The following FRYL variants were observed in gnomAD, a reference collection of about 807,000 sequenced individuals.
FRYL encodes protein furry homolog-like.
In FRYL, 150 loss-of-function variants were observed where a neutral mutation model predicts 351.2. The observed-to-expected ratio is 0.43, with a 90% CI of 0.37 to 0.49. The LOEUF (loss-of-function observed/expected upper bound fraction) is 0.49, where lower values mean the gene tolerates loss of function less well. FRYL is among the 20% of genes least tolerant of loss of function. The probability of loss-of-function intolerance (pLI) is 0.00; values close to 1 mark genes in which losing one functional copy is unlikely to be tolerated. For synonymous variants in FRYL, 1,153 were observed against 1,257.1 expected (o/e 0.92, Z 1.75); for missense variants, 3,036 against 3,619.3 (o/e 0.84, Z 4.13).
At chr4:48,705,869 C>T (rs1239123878) in intron 2 of FRYL, among the ~76,000 whole-genome samples, 2 of 152,020 alleles carry the variant, frequency 1.3e-5, no homozygotes, top group Non-Finnish European at 2.9e-5. Context: ...CAGAGTGTCA[C>T]TCTGTCGCCC....
In FRYL at chr4:48,527,465, C is replaced by T. The variant is rs1419785858; in HGVS notation, c.7317+12G>A. The T allele has an allele frequency of 1.2e-6, 2 of 1,600,222 alleles. No individual in the cohort carries two copies. Among genetic ancestry groups the T allele is most frequent in the Non-Finnish European group, 1.7e-6 (2 of 1,171,222 alleles). ...TTCTATAAATATTAACAGAGAAAGC[C>T]CACATCCTTACCTCTGCATCTTCCA... On this transcript the variant is annotated intron_variant, in intron 53 of 63. Transcript: ENST00000358350.
chr4:48,657,353 C>CTTTT (rs371640944), intron 3 of FRYL, among the ~76,000 whole-genome samples: 11 of 122,370 alleles, frequency 9.0e-5, no homozygotes, highest in African/African-American at 1.5e-4. Context: ...CTTTTCTTTT[C>CTTTT]TTTTTTTTTT....
intron 19 of FRYL, 96 bp from the exon 20 acceptor site, chr4:48,582,830 T>A (rs1741213047): frequency 2.5e-6 from 2 of 802,514 alleles, no homozygotes; most frequent in Non-Finnish European, 4.1e-6. Flanking sequence ...AAATGTCCTC[T>A]TAGTTGTTTT....
rs1767895254 is a variant in FRYL, at chr4:48,710,634, C to A, written c.-319G>T. The A allele has an allele frequency of 1.8e-5, 7 of 398,482 alleles. No homozygotes were observed. In the South Asian group the frequency reaches 8.9e-4, roughly 51 times the overall value. The allele number at this position is 398,482 out of a possible 1,614,324, so 24.7% of individuals were successfully genotyped here. A position where few individuals can be genotyped will look rare whatever the true frequency, so the allele number is the denominator to read the frequency against. On this transcript the variant is annotated 5_prime_UTR_variant, in exon 2 of 64. Coordinates refer to ENST00000358350, the MANE Select transcript of FRYL (RefSeq NM_015030.2). Reference sequence around the variant, plus strand: ...TGTACTTTACAGGCACTCGAGTGGGCACACTGGTACAAAGCAGTAGTGAGT... The same window carrying A: ...TGTACTTTACAGGCACTCGAGTGGGAACACTGGTACAAAGCAGTAGTGAGT...
chr4:48,499,270 C>A lies in FRYL; in HGVS notation c.*152G>T, dbSNP rs1171927170. 9.2e-6 allele frequency: 6 copies of A among 650,066 alleles called. No individual in the cohort carries two copies. In the East Asian group the frequency reaches 1.3e-4, roughly 15 times the overall value. 40.3% of individuals were successfully genotyped at this position (650,066 alleles called of 1,614,324 possible). The stretch of plus-strand genomic sequence containing the variant: ...TATCAGATGTTTTTTTCTTTCAGAT[C>A]TTTGTTTTTGATGATACAGTTTGAC... On this transcript the variant is annotated 3_prime_UTR_variant, in exon 64 of 64. Coordinates refer to ENST00000358350, the MANE Select transcript of FRYL (RefSeq NM_015030.2).
At chr4:48,528,430 A>C (rs1252990149) in intron 50 of FRYL, 94 bp from the exon 51 acceptor site, 1 of 901,026 alleles carries the variant, frequency 1.1e-6, no homozygotes, top group Non-Finnish European at 1.5e-6. Flanking sequence ...ATTTTTTACA[A>C]ATAAAAAAAA....
intron 2 of FRYL, 129 bp downstream of exon 2, chr4:48,710,390 G>C (rs1387546942): frequency 3.1e-5 from 12 of 387,822 alleles, no homozygotes; most frequent in Non-Finnish European, 5.4e-5. Flanking sequence ...ATGTTTTGAG[G>C]TCTTGAAAAA....
intron 23 of FRYL, among the ~76,000 whole-genome samples, 185 bp from the exon 24 acceptor site, chr4:48,576,407 T>A (rs1050759579): frequency 6.6e-6 from 1 of 151,634 alleles, no homozygotes; most frequent in Non-Finnish European, 1.5e-5. Context: ...CAGGCTCAAG[T>A]GATCCTCCCA....
At chr4:48,666,383 G>GTAAA (rs140443013) in intron 3 of FRYL, among the ~76,000 whole-genome samples, 6,169 of 150,072 alleles carry the variant, frequency 0.041, 188 homozygotes, top group African/African-American at 0.091. Context: ...TAAATAAAAA[G>GTAAA]TAAATAAATA....
At chr4:48,499,860 TGAAAA>T (rs1719166221) in intron 63 of FRYL, among the ~76,000 whole-genome samples, 165 bp downstream of exon 63, 1 of 152,294 alleles carries the variant, frequency 6.6e-6, no homozygotes, top group Admixed American at 6.5e-5. Flanking sequence ...CATCTGAAAG[TGAAAA>T]GAAATCTAAA....
intron 1 of FRYL, among the ~76,000 whole-genome samples, chr4:48,725,799 T>C (rs1770012572): frequency 6.6e-6 from 1 of 152,206 alleles, no homozygotes; most frequent in Admixed American, 6.5e-5. Flanking sequence ...ATAATTGTTC[T>C]ATCTTATTAA....
intron 3 of FRYL, among the ~76,000 whole-genome samples, chr4:48,647,853 T>C (rs1756847797): frequency 6.6e-6 from 1 of 152,196 alleles, no homozygotes; most frequent in Admixed American, 6.6e-5. Flanking sequence ...AAGAGTATTC[T>C]GACAATAAGC....
At chr4:48,529,548 A>G (rs925469447) in intron 50 of FRYL, among the ~76,000 whole-genome samples, 6 of 152,230 alleles carry the variant, frequency 3.9e-5, no homozygotes, top group African/African-American at 1.4e-4. Flanking sequence ...GATATTATTA[A>G]CTAAAAAATT....
chr4:48,652,837 A>C (rs897883799), intron 3 of FRYL, among the ~76,000 whole-genome samples: 5 of 152,196 alleles, frequency 3.3e-5, no homozygotes, highest in African/African-American at 7.2e-5. Context: ...CCAGCAGCAC[A>C]GTTGGGAGCA....
chr4:48,712,028 TAACA>T (rs1168780883), intron 1 of FRYL, among the ~76,000 whole-genome samples: 1 of 152,018 alleles, frequency 6.6e-6, no homozygotes, highest in East Asian at 1.9e-4. Context: ...GAAGGAAAAC[TAACA>T]AACAGAAAGG....
chr4:48,532,138 T>G (rs1727798143), intron 49 of FRYL, among the ~76,000 whole-genome samples: 1 of 152,124 alleles, frequency 6.6e-6, no homozygotes, highest in Admixed American at 6.6e-5. Context: ...GTACCAAAAA[T>G]CACATCTCAA....
chr4:48,651,982 A>C (rs1364963405), intron 3 of FRYL, among the ~76,000 whole-genome samples: 1 of 152,242 alleles, frequency 6.6e-6, no homozygotes, highest in Non-Finnish European at 1.5e-5. Flanking sequence ...TGAGATGTGT[A>C]CTATGAATGC....
At chr4:48,755,199 T>C (rs537487427) in intron 1 of FRYL, among the ~76,000 whole-genome samples, 9 of 152,302 alleles carry the variant, frequency 5.9e-5, no homozygotes, top group African/African-American at 1.9e-4. Flanking sequence ...AACTGTGCAG[T>C]TGGTTTTTTA....
intron 1 of FRYL, among the ~76,000 whole-genome samples, chr4:48,764,688 A>G (rs1319111145): frequency 6.6e-6 from 1 of 152,216 alleles, no homozygotes; most frequent in African/African-American, 2.4e-5. Flanking sequence ...TGTATGTGAA[A>G]GAAATTGAAG....
Sources: allele counts gnomAD v4.1 joint callset (sites outside exome capture counted in the v4.1 genomes callset), GRCh38; gene constraint gnomAD v4.1.1; transcripts MANE v1.5; gene names NCBI Gene and HGNC (gene_info 2026-07-23, HGNC 2026-07-21).